The following TAT variants were observed in gnomAD, a reference collection of about 807,000 sequenced individuals.
TAT encodes the protein L-tyrosine:2-oxoglutarate aminotransferase.
In TAT, 35 loss-of-function variants were observed where a neutral mutation model predicts 53.6. That is an observed-to-expected ratio of 0.65 (90% confidence interval 0.50 to 0.87). TAT has a LOEUF of 0.87. TAT is among the 40% of genes least tolerant of loss of function. The pLI is 0.00. For synonymous variants in TAT, 197 were observed against 206.5 expected (o/e 0.95, Z 0.39); for missense variants, 525 against 571.8 (o/e 0.92, Z 0.83).
chr16:71,573,624 A>G lies in TAT; in HGVS notation c.341-18T>C, dbSNP rs1414429984. The G allele has an allele frequency of 3.2e-6, 5 of 1,551,244 alleles. No homozygotes were observed. The South Asian group carries it at 5.9e-5, about 18-fold the overall frequency. Reference sequence around the variant, plus strand: ...TAGGAAGCCTGAAAGAAAAGAGTGGAAAGTGGAGCTTTTTTGGTTTTTAGA... The same window carrying G: ...TAGGAAGCCTGAAAGAAAAGAGTGGGAAGTGGAGCTTTTTTGGTTTTTAGA... On this transcript the variant is annotated intron_variant, in intron 3 of 11. Coordinates refer to ENST00000355962, the MANE Select transcript of TAT (RefSeq NM_000353.3).
At chr16:71,573,650 G>A in intron 3 of TAT, 44 bp from the exon 4 acceptor site, 1 of 1,514,546 alleles carries the variant, frequency 6.6e-7, no homozygotes, top group Non-Finnish European at 9.0e-7. Flanking sequence ...GGTTTTTAGA[G>A]ACTGTGTCTC....
chr16:71,573,686 A>G, intron 3 of TAT, 80 bp from the exon 4 acceptor site: 1 of 1,265,694 alleles, frequency 7.9e-7, no homozygotes, highest in East Asian at 2.5e-5. Context: ...CTTGGAGTGC[A>G]GTGACACAGC....
rs2044192562 is a variant in TAT at position 71,570,301 on chromosome 16, C to G, written c.1009G>C (p.Glu337Gln). 6.2e-7 allele frequency: 1 copy of G among 1,614,044 alleles called. No individual in the cohort carries two copies. Among genetic ancestry groups the G allele is most frequent in the Non-Finnish European group, 8.5e-7 (1 of 1,180,050 alleles). Residue 337 changes from glutamate to glutamine, a missense_variant, in exon 9 of 12, where the codon GAG (glutamate) becomes CAG (glutamine). Transcript: ENST00000355962. ...LKSILCRTPG[E>Q]FYHNTLSFLK... The stretch of plus-strand genomic sequence containing the variant: ...AAGCTCAGAGTGTTGTGGTAAAACT[C>G]TCCCGGGGTGCGACATAGGATGCTT...
intron 6 of TAT, 92 bp downstream of exon 6, chr16:71,572,094 G>T: frequency 6.4e-7 from 1 of 1,553,980 alleles, no homozygotes; most frequent in Non-Finnish European, 8.9e-7. Flanking sequence ...CCCCAGGCTT[G>T]GAACTTAGGG....
In TAT at chr16:71,570,685, G is replaced by A; in HGVS notation, c.906C>T (p.Gly302=). 5 of 1,614,088 alleles carry A rather than the reference G, an allele frequency of 3.1e-6. No individual in the cohort carries two copies. The South Asian group carries it at 4.4e-5, about 14-fold the overall frequency. ...ILIHDRRDIF[G]NEIRDGLVKL... The stretch of plus-strand genomic sequence containing the variant: ...TCTTTCACCATATTATCACCTCATT[G>A]CCAAAAATGTCTCTTCGGTCATGAA... The change falls in exon 8 of 12, where the codon GGC becomes GGT. Residue 302 remains glycine (G), a synonymous_variant. Coordinates refer to ENST00000355962, the MANE Select transcript of TAT (RefSeq NM_000353.3).
chr16:71,576,060 G>T (rs2044232869), intron 2 of TAT, 34 bp from the exon 3 acceptor site: 1 of 1,612,516 alleles, frequency 6.2e-7, no homozygotes, highest in Admixed American at 1.7e-5. Context: ...AAGGAGCCAA[G>T]AGGTTATTCT....
At chr16:71,569,676 T>C (rs1297772941) in intron 10 of TAT, among the ~76,000 whole-genome samples, 178 bp downstream of exon 10, 1 of 152,240 alleles carries the variant, frequency 6.6e-6, no homozygotes, top group Non-Finnish European at 1.5e-5. Flanking sequence ...TGAGAACTGA[T>C]AGAGGCTAAA....
At chr16:71,572,159 G>A in intron 6 of TAT, 27 bp downstream of exon 6, 21 of 1,613,890 alleles carry the variant, frequency 1.3e-5, no homozygotes, top group South Asian at 6.6e-5. Flanking sequence ...TCCCCACCTC[G>A]TCCTCTGTGA....
At chr16:71,568,394 A>G (rs929803089) in intron 11 of TAT, 110 bp from the exon 12 acceptor site, 12 of 1,088,288 alleles carry the variant, frequency 1.1e-5, no homozygotes, top group East Asian at 2.5e-5. Context: ...CATCAGGGCC[A>G]TCAGTTCATT....
In TAT at chr16:71,572,549, A is replaced by G. The variant is rs770033832; in HGVS notation, c.548T>C (p.Val183Ala). The change falls in exon 5 of 12, where the codon GTC (valine) becomes GCC (alanine). Residue 183 changes from valine (V) to alanine (A), a missense_variant. By Grantham distance (64) the Val-to-Ala change is moderately conservative (BLOSUM62 0). Transcript: ENST00000355962. ...KTLAESMGIEVKLYNLLPEKS... is the reference protein window; with the variant it reads ...KTLAESMGIEAKLYNLLPEKS... Reference sequence around the variant, plus strand: ...ATTTACCAACAAATTGTAGAGTTTGACCTCAATTCCCATAGACTCAGCCAG... The same window carrying G: ...ATTTACCAACAAATTGTAGAGTTTGGCCTCAATTCCCATAGACTCAGCCAG... The G allele has an allele frequency of 5.6e-6, 9 of 1,614,124 alleles. No homozygotes were observed. The African/African-American group carries it at 1.2e-4, about 22-fold the overall frequency.
chr16:71,572,173 C>G lies in TAT; in HGVS notation c.706+13G>C, dbSNP rs766688609. ...GTCCCCACCTCGTCCTCTGTGAAGT[C>G]TGCTGGACGTACCTGCCAGAATCTT... On this transcript the variant is annotated intron_variant, in intron 6 of 11. Transcript: ENST00000355962. 1 of 1,614,054 alleles carries G rather than the reference C, an allele frequency of 6.2e-7. No individual in the cohort carries two copies.
intron 4 of TAT, 132 bp from the exon 5 acceptor site, chr16:71,572,820 A>G: frequency 1.0e-6 from 1 of 955,918 alleles, no homozygotes; most frequent in Non-Finnish European, 1.6e-6. Context: ...GAAATGTACT[A>G]AGCCAAAACC....
rs775488556 is a variant in TAT at position 71,568,211 on chromosome 16, C to T, written c.1298G>A (p.Arg433Gln). The T allele has an allele frequency of 4.0e-5, 64 of 1,614,090 alleles. No individual in the cohort carries two copies. The highest frequency in any genetic ancestry group is 4.9e-5 in the Non-Finnish European group (58 of 1,180,054). Reference protein sequence around the residue: ...PEVMMLEACSRIQEFCEQHYH... With the variant: ...PEVMMLEACSQIQEFCEQHYH... ...GTGCTGCTCACAGAACTCCTGGATCCGGCTGCACGCCTCCAGCATCATCAC... is the reference window on the plus strand; with the variant it reads ...GTGCTGCTCACAGAACTCCTGGATCTGGCTGCACGCCTCCAGCATCATCAC... Residue 433 changes from arginine to glutamine, a missense_variant, in exon 12 of 12, where the codon CGG becomes CAG. By Grantham distance (43) the Arg-to-Gln change is conservative. Coordinates refer to ENST00000355962, the MANE Select transcript of TAT (RefSeq NM_000353.3).
At chr16:71,570,629 G>A (rs1486055958) in intron 8 of TAT, 50 bp downstream of exon 8, 5 of 1,613,066 alleles carry the variant, frequency 3.1e-6, no homozygotes, top group Non-Finnish European at 4.2e-6. Flanking sequence ...CTGTGCTCAT[G>A]AAATAAATAT....
chr16:71,570,878 T>G (rs535135381), intron 7 of TAT, 47 bp from the exon 8 acceptor site: 1 of 1,600,608 alleles, frequency 6.2e-7, no homozygotes, highest in South Asian at 1.1e-5. Context: ...TACTTCTCAC[T>G]GCAATCCCAG....
Position 71,566,511 on chromosome 16 carries a change from C to T in TAT, c.*1633G>A, listed in dbSNP as rs2044164192. ...AAAAACATCTAGGACACTTCTCATTCACTGGGTCAAGCCAGAGCCATCAAC... is the reference window on the plus strand; with the variant it reads ...AAAAACATCTAGGACACTTCTCATTTACTGGGTCAAGCCAGAGCCATCAAC... On this transcript the variant is annotated 3_prime_UTR_variant, in exon 12 of 12. Transcript: ENST00000355962. 6.8e-6 allele frequency: 1 copy of T among 146,554 alleles called. No homozygotes were observed. Among genetic ancestry groups the T allele is most frequent in the African/African-American group, 2.5e-5 (1 of 40,084 alleles). 9.1% of individuals were successfully genotyped at this position (146,554 alleles called of 1,614,324 possible). A position where few individuals can be genotyped will look rare whatever the true frequency, so the allele number is the denominator to read the frequency against.
chr16:71,572,660 T>G lies in TAT; in HGVS notation c.437A>C (p.Gln146Pro), dbSNP rs1378485684. The G allele has an allele frequency of 6.2e-7, 1 of 1,614,120 alleles. No homozygotes were observed. Among genetic ancestry groups the G allele is most frequent in the Non-Finnish European group, 8.5e-7 (1 of 1,180,050 alleles). The stretch of plus-strand genomic sequence containing the variant: ...CACAGCTAAACAAAGGTCAATAGCT[T>G]GGCTGCAGCCACTTGTCAGAATGAC... The part of the protein sequence containing the change: ...KDVILTSGCS[Q>P]AIDLCLAVLA... The change falls in exon 5 of 12, where the codon CAA becomes CCA. Residue 146 changes from glutamine to proline, a missense_variant. Coordinates refer to ENST00000355962, the MANE Select transcript of TAT (RefSeq NM_000353.3).
chr16:71,575,215 T>A (rs1408370661), intron 3 of TAT: 1 of 152,252 alleles, frequency 6.6e-6, no homozygotes, highest in Non-Finnish European at 1.5e-5. Context: ...AACTGGGGTT[T>A]TATTCTGCAT....
Position 71,572,581 on chromosome 16 carries a change from G to T in TAT, c.516C>A (p.Tyr172Ter). The T allele has an allele frequency of 4.3e-6, 7 of 1,614,198 alleles. No individual in the cohort carries two copies. Among genetic ancestry groups the T allele is most frequent in the Non-Finnish European group, 5.9e-6 (7 of 1,180,032 alleles). Residue 172 changes from tyrosine to a stop codon, truncating the protein, a stop_gained, in exon 5 of 12, where the codon TAC becomes TAA. Transcript: ENST00000355962. LOFTEE classifies it high-confidence loss of function. Reference sequence around the variant, plus strand: ...TTCCCATAGACTCAGCCAGAGTCTTGTAGAGAGAGAAACCAGGTCTTGGAA... The same window carrying T: ...TTCCCATAGACTCAGCCAGAGTCTTTTAGAGAGAGAAACCAGGTCTTGGAA... ...ILVPRPGFSL[Y>*]KTLAESMGIE...
Sources: gnomAD v4.1 joint callset for allele counts (sites outside exome capture counted in the v4.1 genomes callset) on GRCh38, gnomAD v4.1.1 for gene constraint, MANE v1.5 for transcripts, NCBI Gene and HGNC (gene_info 2026-07-23, HGNC 2026-07-21) for gene names.